COL28A1: variants seen among roughly 807,000 people sequenced by gnomAD.
COL28A1 encodes the protein collagen type XXVIII alpha 1 chain.
A neutral mutation model predicts 150.2 loss-of-function variants in COL28A1; 161 were observed. The observed-to-expected ratio is 1.07, with a 90% CI of 0.94 to 1.22. The LOEUF (loss-of-function observed/expected upper bound fraction) is 1.22, where lower values mean the gene tolerates loss of function less well. Ranked by LOEUF, COL28A1 falls within the 50% of genes most tolerant of loss-of-function variation. The pLI is 0.00. For missense variants in COL28A1, 1,617 were observed against 1,388.3 expected, an observed-to-expected ratio of 1.16 and a Z score of -2.62; for synonymous variants, 552 against 469.7, an observed-to-expected ratio of 1.18 and a Z score of -2.26.
chr7:7,505,757 C>T (rs1780774453), intron 11 of COL28A1, among the ~76,000 whole-genome samples: 1 of 152,100 alleles, frequency 6.6e-6, no homozygotes, highest in African/African-American at 2.4e-5. Flanking sequence ...AAGAAGGAAA[C>T]ACAGCAAAGA....
chr7:7,444,298 A>G (rs1439763602), intron 19 of COL28A1, 120 bp downstream of exon 19: 3 of 1,355,030 alleles, frequency 2.2e-6, no homozygotes, highest in Admixed American at 2.2e-5. Context: ...GGATTGTGAG[A>G]TATTTTTTCT....
chr7:7,471,596 A>G (rs779734260), intron 15 of COL28A1, among the ~76,000 whole-genome samples: 11 of 152,222 alleles, frequency 7.2e-5, no homozygotes, highest in African/African-American at 1.2e-4. Flanking sequence ...GATACACCAC[A>G]TGAACAGAAT....
chr7:7,447,331 C>A (rs2128325742), intron 18 of COL28A1, among the ~76,000 whole-genome samples: 1 of 152,226 alleles, frequency 6.6e-6, no homozygotes, highest in African/African-American at 2.4e-5. Flanking sequence ...GTAATCCCAA[C>A]TACTCAGGAG....
chr7:7,492,713 TA>T (rs1779988785), intron 11 of COL28A1, among the ~76,000 whole-genome samples: 1 of 151,438 alleles, frequency 6.6e-6, no homozygotes, highest in Non-Finnish European at 1.5e-5. Flanking sequence ...CAGGGTGATT[TA>T]AAACAAAGGA....
At chr7:7,348,868 C>T in the COL28A1 span, among the ~76,000 whole-genome samples, 1 of 152,006 alleles carries the variant, frequency 6.6e-6, no homozygotes, top group Admixed American at 6.6e-5. Flanking sequence ...TCAGCTTCTC[C>T]AGTAGCTAGA....
At chr7:7,410,765 T>C (rs569442034) in intron 27 of COL28A1, among the ~76,000 whole-genome samples, 20 of 152,302 alleles carry the variant, frequency 1.3e-4, no homozygotes, top group Middle Eastern at 6.8e-3. Context: ...ATTAACACCA[T>C]TGTACAGCAT....
chr7:7,481,725 T>A (rs1460561222), intron 13 of COL28A1, among the ~76,000 whole-genome samples: 2 of 152,226 alleles, frequency 1.3e-5, no homozygotes, highest in African/African-American at 2.4e-5. Context: ...TCCGTAGTAA[T>A]CTCAATAGTG....
chr7:7,417,962 G>A (rs767572816), intron 26 of COL28A1, 35 bp from the exon 27 acceptor site: 16 of 1,553,602 alleles, frequency 1.0e-5, no homozygotes, highest in Non-Finnish European at 1.2e-5. Context: ...AAGACAAAAT[G>A]TAAGAAGATC....
chr7:7,344,720 C>T, the COL28A1 span, among the ~76,000 whole-genome samples: 1 of 151,982 alleles, frequency 6.6e-6, no homozygotes, highest in Non-Finnish European at 1.5e-5. Flanking sequence ...TGAGGCTAAA[C>T]ATCCTATAAT....
intron 27 of COL28A1, among the ~76,000 whole-genome samples, chr7:7,404,466 C>T (rs976702848): frequency 2.0e-5 from 3 of 152,208 alleles, no homozygotes; most frequent in Middle Eastern, 3.4e-3. Context: ...TGTTACCTCC[C>T]TGACCTCATC....
intron 11 of COL28A1, among the ~76,000 whole-genome samples, chr7:7,494,277 G>A (rs972766): frequency 0.11 from 17,285 of 150,864 alleles, 1,050 homozygotes; most frequent in Middle Eastern, 0.22. Context: ...TTTTTTTTTC[G>A]AACTCCTTTC....
chr7:7,505,926 C>T (rs1339695522), intron 11 of COL28A1, 88 bp downstream of exon 11: 1 of 790,564 alleles, frequency 1.3e-6, no homozygotes, highest in Non-Finnish European at 2.3e-6. Context: ...TCAAAGAATC[C>T]ATTGACTTTT....
intron 18 of COL28A1, 42 bp downstream of exon 18, chr7:7,452,277 T>A: frequency 6.3e-7 from 1 of 1,585,878 alleles, no homozygotes; most frequent in Non-Finnish European, 8.5e-7. Context: ...TATATAATGT[T>A]ACATAAAGTA....
At chr7:7,362,970 T>C (rs1212622283) in intron 33 of COL28A1, among the ~76,000 whole-genome samples, 1 of 152,054 alleles carries the variant, frequency 6.6e-6, no homozygotes, top group Non-Finnish European at 1.5e-5. Context: ...CAGCACCGAG[T>C]CCCTTATTTT....
At chr7:7,401,936 T>C (rs1244634270) in intron 27 of COL28A1, among the ~76,000 whole-genome samples, 1 of 152,204 alleles carries the variant, frequency 6.6e-6, no homozygotes, top group Non-Finnish European at 1.5e-5. Flanking sequence ...AAATTTATTC[T>C]ATCCATTGCC....
intron 11 of COL28A1, among the ~76,000 whole-genome samples, chr7:7,503,362 T>C (rs1780638742): frequency 2.6e-5 from 4 of 152,200 alleles, no homozygotes; most frequent in Admixed American, 1.3e-4. Context: ...AAACTTTACT[T>C]ATACATAATA....
intron 12 of COL28A1, among the ~76,000 whole-genome samples, chr7:7,489,774 G>T (rs1317018662): frequency 6.6e-6 from 1 of 152,282 alleles, no homozygotes; most frequent in East Asian, 1.9e-4. Flanking sequence ...GACAATGTGT[G>T]TGCTGTGCCC....
At chr7:7,388,095 G>A (rs1374099905) in intron 27 of COL28A1, among the ~76,000 whole-genome samples, 2 of 151,936 alleles carry the variant, frequency 1.3e-5, no homozygotes, top group South Asian at 2.1e-4. Context: ...CATGTGTCAC[G>A]GTGGTTAGCT....
chr7:7,433,173 T>C lies in COL28A1; in HGVS notation c.1861-473A>G, dbSNP rs534471089. On this transcript the variant is annotated intron_variant, in intron 23 of 34. Transcript: ENST00000399429. Reference sequence around the variant, plus strand: ...GATGACCTTAGGCATCAAAAACTTTTAGTAACAGCCCTTAGTCTCCTACAG... The same window carrying C: ...GATGACCTTAGGCATCAAAAACTTTCAGTAACAGCCCTTAGTCTCCTACAG... Among the ~76,000 whole-genome samples the C allele has an allele frequency of 4.5e-4, 69 of 152,308 alleles. 1 individual carries two copies. The highest frequency in any genetic ancestry group is 1.1e-3 in the African/African-American group (46 of 41,570).
Sources: gnomAD v4.1 joint callset for allele counts (sites outside exome capture counted in the v4.1 genomes callset) on GRCh38, gnomAD v4.1.1 for gene constraint, MANE v1.5 for transcripts, NCBI Gene and HGNC (gene_info 2026-07-23, HGNC 2026-07-21) for gene names.